The following FH variants were observed in gnomAD, a reference collection of about 807,000 sequenced individuals.
FH encodes the protein fumarate hydratase, mitochondrial.
Under a neutral mutation model 49.4 loss-of-function variants are expected in FH, and 22 were observed. The observed-to-expected ratio is 0.45, with a 90% CI of 0.32 to 0.64. The LOEUF (loss-of-function observed/expected upper bound fraction) is 0.64. FH is among the 30% of genes least tolerant of loss of function. The pLI, the probability that FH is intolerant of heterozygous loss-of-function variation, is 0.05. For synonymous variants in FH, 208 were observed against 223.0 expected, an observed-to-expected ratio of 0.93 and a Z score of 0.60; for missense variants, 526 against 641.5, an observed-to-expected ratio of 0.82 and a Z score of 1.95.
chr1:241,510,906 T>A (rs1440682382), intron 4 of FH, among the ~76,000 whole-genome samples: 1 of 152,158 alleles, frequency 6.6e-6, no homozygotes, highest in Non-Finnish European at 1.5e-5. Context: ...AAGGTTAACA[T>A]CACCAGTAAA....
In FH at chr1:241,519,577, C is replaced by A. The variant is rs1434453667; in HGVS notation, c.132+14G>T. On this transcript the variant is annotated intron_variant, in intron 1 of 9. Coordinates refer to ENST00000366560, the MANE Select transcript of FH (RefSeq NM_000143.4). ...TCACTGCGGGGAGGCCGGGGGATGG[C>A]GGCCTGCGCTCACCATTCGAGCCGC... 6.5e-7 allele frequency: 1 copy of A among 1,544,892 alleles called. No individual in the cohort carries two copies. Among genetic ancestry groups the A allele is most frequent in the Non-Finnish European group, 8.7e-7 (1 of 1,145,148 alleles).
intron 2 of FH, among the ~76,000 whole-genome samples, chr1:241,514,142 T>C (rs1370190166): frequency 4.6e-5 from 7 of 152,162 alleles, no homozygotes; most frequent in Admixed American, 3.9e-4. Flanking sequence ...CGTTACATTA[T>C]AATTGTTTCC....
In FH at chr1:241,508,718, A is replaced by G. The variant is rs1659995651; in HGVS notation, c.623T>C (p.Leu208Ser). ...ATCATGTAACTTCTGTAGTCCTGGTAACAGTACTTCATGAACTTCTATTGC... is the reference window on the plus strand; with the variant it reads ...ATCATGTAACTTCTGTAGTCCTGGTGACAGTACTTCATGAACTTCTATTGC... Reference protein sequence around the residue: ...AAAIEVHEVLLPGLQKLHDAL... With the variant: ...AAAIEVHEVLSPGLQKLHDAL... Residue 208 changes from leucine (L) to serine (S), a missense_variant, in exon 5 of 10, where the codon TTA (leucine) becomes TCA (serine). This residue lies in a region of FH where 383 missense variants were observed against 514.0 expected (regional missense o/e 0.75). Transcript: ENST00000366560. The G allele has an allele frequency of 6.2e-7, 1 of 1,613,828 alleles. No homozygotes were observed. The highest frequency in any genetic ancestry group is 1.3e-5 in the African/African-American group (1 of 75,042).
At chr1:241,511,243 G>T (rs1660075762) in intron 4 of FH, among the ~76,000 whole-genome samples, 1 of 152,142 alleles carries the variant, frequency 6.6e-6, no homozygotes, top group African/African-American at 2.4e-5. Context: ...ACCATGTGAG[G>T]ACACAGAAAA....
chr1:241,502,408 G>C, intron 8 of FH, 35 bp downstream of exon 8: 3 of 1,612,792 alleles, frequency 1.9e-6, no homozygotes, highest in Non-Finnish European at 2.5e-6. Context: ...TAAGCCTTTG[G>C]TCAAAAAACA....
intron 1 of FH, among the ~76,000 whole-genome samples, chr1:241,518,447 C>T (rs2147925971): frequency 6.6e-6 from 1 of 152,180 alleles, no homozygotes; most frequent in South Asian, 2.1e-4. Flanking sequence ...GCAGGGAGTT[C>T]GAGGAATACA....
rs1353871297 is a variant in FH at position 241,506,153 on chromosome 1, C to T, written c.754G>A (p.Val252Ile). Residue 252 changes from valine (V) to isoleucine (I), a missense_variant, in exon 6 of 10, where the codon GTT (valine) becomes ATT (isoleucine). Physicochemically the swap from Val to Ile is conservative, Grantham distance 29 (BLOSUM62 3). This residue lies in a region of FH where 383 missense variants were observed against 514.0 expected (regional missense o/e 0.75). Transcript: ENST00000366560. ...LTLGQEFSGYVQQVKYAMTRI... is the reference protein window; with the variant it reads ...LTLGQEFSGYIQQVKYAMTRI... ...GTCATTGCATATTTTACTTGTTGAA[C>T]ATAACCACTAAATTCCTGAAAAGAA... 6.2e-7 allele frequency: 1 copy of T among 1,613,180 alleles called. No homozygotes were observed. The highest frequency in any genetic ancestry group is 1.7e-5 in the Admixed American group (1 of 59,960).
At chr1:241,503,438 TTGTTAACTGTTAATATGATTAGCATG>T (rs1419828263) in intron 7 of FH, among the ~76,000 whole-genome samples, 1 of 152,228 alleles carries the variant, frequency 6.6e-6, no homozygotes, top group Non-Finnish European at 1.5e-5. Flanking sequence ...TATCCCAACT[TTGTTAACTGTTAATATGATTAGCATG>T]TATTCTCTTC....
At position 241,519,646 on chromosome 1, in the gene FH, G is replaced by A. The variant is rs187226800; in HGVS notation, c.77C>T (p.Pro26Leu). 7.8e-4 allele frequency: 1,210 copies of A among 1,548,066 alleles called. 22 individuals are homozygous for A. In the East Asian group the frequency reaches 0.027, roughly 35 times the overall value. ...GGGCACGGCCGCGCCACCCAAGCCG[G>A]GAGCCGAAGCTAAGGCTGCGGCTGG... is the stretch of plus-strand genomic sequence containing the variant. ...RAPAAALASA[P>L]GLGGAAVPSF... The change falls in exon 1 of 10, where the codon CCC (proline) becomes CTC (leucine). Residue 26 changes from proline (P) to leucine (L), a missense_variant. Pro to Leu is a moderately conservative substitution (Grantham distance 98). Coordinates refer to ENST00000366560, the MANE Select transcript of FH (RefSeq NM_000143.4).
At chr1:241,513,495 A>C (rs1174117562) in intron 3 of FH, 108 bp downstream of exon 3, 1 of 881,746 alleles carries the variant, frequency 1.1e-6, no homozygotes, top group African/African-American at 1.6e-5. Flanking sequence ...CCTGAAATTC[A>C]TTAATTCAAG....
chr1:241,504,866 G>A (rs1314648018), intron 6 of FH, among the ~76,000 whole-genome samples: 1 of 150,976 alleles, frequency 6.6e-6, no homozygotes, highest in Non-Finnish European at 1.5e-5. Context: ...AAGTATATGG[G>A]AATTCATTCT....
rs200526142 is a variant in FH, at chr1:241,519,755, C to T, written c.-33G>A. 26 of 1,515,094 alleles carry T rather than the reference C, an allele frequency of 1.7e-5. No homozygotes were observed. The highest frequency in any genetic ancestry group is 2.1e-5 in the Non-Finnish European group (24 of 1,126,316). 93.9% of individuals were successfully genotyped at this position (1,515,094 alleles called of 1,614,324 possible). ...AGGGAGCTTGGGTAGAATTTCTGGGCGGCTGTGGCCACGCCTCCACGCCGG... is the reference window on the plus strand; with the variant it reads ...AGGGAGCTTGGGTAGAATTTCTGGGTGGCTGTGGCCACGCCTCCACGCCGG... On this transcript the variant is annotated 5_prime_UTR_variant, in exon 1 of 10. Transcript: ENST00000366560.
chr1:241,506,079 G>A lies in FH; in HGVS notation c.828C>T (p.Gly276=). The part of the protein sequence containing the change: ...MPRIYELAAG[G]TAVGTGLNTR... ...TATTTAAACCTGTACCAACAGCAGT[G>A]CCTCCAGCTGCGAGCTCATAGATTC... The change falls in exon 6 of 10, where the codon GGC becomes GGT. Residue 276 remains glycine (G), a synonymous_variant. Coordinates refer to ENST00000366560, the MANE Select transcript of FH (RefSeq NM_000143.4). The A allele has an allele frequency of 6.2e-7, 1 of 1,613,870 alleles. No individual in the cohort carries two copies.
chr1:241,497,887 G>C lies in FH; in HGVS notation c.1474C>G (p.Leu492Val), dbSNP rs1659663430. 6.2e-7 allele frequency: 1 copy of C among 1,613,412 alleles called. No homozygotes were observed. ...CATTCGTCAAACTGCTCTGCTGTGAGATAGCCAAGTTCGATAGCAGTTTCC... is the reference window on the plus strand; with the variant it reads ...CATTCGTCAAACTGCTCTGCTGTGACATAGCCAAGTTCGATAGCAGTTTCC... ...LKETAIELGY[L>V]TAEQFDEWVK... is the part of the protein sequence containing the mutation. Residue 492 changes from leucine to valine, a missense_variant, in exon 10 of 10, where the codon CTC becomes GTC. This residue lies in a region of FH where 383 missense variants were observed against 514.0 expected (regional missense o/e 0.75). Coordinates refer to ENST00000366560, the MANE Select transcript of FH (RefSeq NM_000143.4).
intron 5 of FH, 57 bp downstream of exon 5, chr1:241,508,546 C>A: frequency 6.9e-7 from 1 of 1,457,408 alleles, no homozygotes; most frequent in Non-Finnish European, 9.6e-7. Context: ...TCAAGGATGA[C>A]ACATTGGCCA....
chr1:241,499,251 C>G (rs1253882252), intron 9 of FH, among the ~76,000 whole-genome samples: 1 of 151,916 alleles, frequency 6.6e-6, no homozygotes, highest in Non-Finnish European at 1.5e-5. Flanking sequence ...GTTGACCCAT[C>G]TCATTCTCAT....
At chr1:241,519,434 G>C in intron 1 of FH, 157 bp downstream of exon 1, 1 of 893,544 alleles carries the variant, frequency 1.1e-6, no homozygotes, top group Non-Finnish European at 1.6e-6. Flanking sequence ...TCCCGAGGCC[G>C]GGAGGCCCGC....
intron 1 of FH, chr1:241,519,243 G>A (rs901835252): frequency 7.5e-6 from 2 of 267,698 alleles, no homozygotes; most frequent in African/African-American, 4.6e-5. Context: ...GCAGCGCCCC[G>A]GGGCTGGGGG....
chr1:241,512,017 G>A lies in FH; in HGVS notation c.505C>T (p.Leu169Phe). 4 of 1,613,916 alleles carry A rather than the reference G, an allele frequency of 2.5e-6. No homozygotes were observed. Among genetic ancestry groups the A allele is most frequent in the Non-Finnish European group, 3.4e-6 (4 of 1,179,902 alleles). Residue 169 changes from leucine (L) to phenylalanine (F), a missense_variant, in exon 4 of 10, where the codon CTT (leucine) becomes TTT (phenylalanine). Transcript: ENST00000366560. ...GGATGCACAGGTATCTTGCTGCCAA[G>A]TTCACCTCCTAACATTTCAATTGCT... The part of the protein sequence containing the change: ...NRAIEMLGGE[L>F]GSKIPVHPND...
Sources: gnomAD v4.1 joint callset for allele counts (sites outside exome capture counted in the v4.1 genomes callset) on GRCh38, gnomAD v4.1.1 for gene constraint, gnomAD v4.1.1 regional missense constraint, MANE v1.5 for transcripts, NCBI Gene and HGNC (gene_info 2026-07-23, HGNC 2026-07-21) for gene names.